The following SPTLC2 variants were observed in gnomAD, a reference collection of about 807,000 sequenced individuals.
SPTLC2 encodes serine palmitoyltransferase long chain base subunit 2, also known as serine palmitoyltransferase 2.
In SPTLC2, 21 loss-of-function variants were observed where a neutral mutation model predicts 62.0. The ratio of observed to expected loss-of-function variants is 0.34; its 90% CI spans 0.24 to 0.49. The LOEUF is 0.49. SPTLC2 is among the 20% of genes least tolerant of loss of function. The pLI is 0.99. For synonymous variants in SPTLC2, 261 were observed against 261.8 expected (o/e 1.00, Z 0.03); for missense variants, 511 against 713.0 (o/e 0.72, Z 3.23).
rs142601049 is a variant in SPTLC2 at position 77,590,035 on chromosome 14, G to A, written c.327+7151C>T. On this transcript the variant is annotated intron_variant, in intron 2 of 11. Coordinates refer to ENST00000216484, the MANE Select transcript of SPTLC2 (RefSeq NM_004863.4). ...CTGTCACCCAGGCTAGAGTGCAGTG[G>A]CTCAATCACAGCTCACAGCAGCCTT... is the stretch of plus-strand genomic sequence containing the variant. 5.1e-4 allele frequency among the ~76,000 whole-genome samples: 78 copies of A among 151,760 alleles called. No homozygotes were observed. The East Asian group carries it at 0.014, about 27-fold the overall frequency.
At chr14:77,583,762 T>C (rs143346782) in intron 2 of SPTLC2, among the ~76,000 whole-genome samples, 502 of 152,210 alleles carry the variant, frequency 3.3e-3, no homozygotes, top group Admixed American at 6.9e-3. Flanking sequence ...GAACTCTTAG[T>C]GTAGTGGAGA....
intron 9 of SPTLC2, among the ~76,000 whole-genome samples, chr14:77,534,778 T>C (rs980759469): frequency 3.3e-5 from 5 of 152,070 alleles, no homozygotes; most frequent in Non-Finnish European, 7.4e-5. Flanking sequence ...GCACCAGATA[T>C]TGCTCTAGAC....
At chr14:77,558,683 G>A (rs535454911) in intron 6 of SPTLC2, among the ~76,000 whole-genome samples, 136 of 150,470 alleles carry the variant, frequency 9.0e-4, no homozygotes, top group African/African-American at 1.5e-3. Flanking sequence ...GTGCAGTGGC[G>A]TGATCTCTGC....
At chr14:77,572,063 C>T (rs1030984929) in intron 4 of SPTLC2, among the ~76,000 whole-genome samples, 20 of 152,236 alleles carry the variant, frequency 1.3e-4, no homozygotes, top group Non-Finnish European at 2.8e-4. Context: ...GTTGGGATTA[C>T]AGGCGTGAGC....
chr14:77,590,550 T>C (rs1010402717), intron 2 of SPTLC2, among the ~76,000 whole-genome samples: 8 of 152,026 alleles, frequency 5.3e-5, no homozygotes, highest in African/African-American at 1.9e-4. Context: ...GCCCTGTCTC[T>C]ACTAAAAACA....
At chr14:77,554,991 T>C (rs1351951161) in intron 8 of SPTLC2, 2 of 393,520 alleles carry the variant, frequency 5.1e-6, no homozygotes, top group South Asian at 2.2e-5. Flanking sequence ...GTGAGCACAA[T>C]GCAAACCCAA....
chr14:77,556,540 TA>T, intron 7 of SPTLC2, among the ~76,000 whole-genome samples: 1 of 152,174 alleles, frequency 6.6e-6, no homozygotes, highest in Middle Eastern at 3.4e-3. Context: ...TTAACCAAAA[TA>T]AAATATTTCT....
intron 11 of SPTLC2, among the ~76,000 whole-genome samples, chr14:77,517,085 A>C (rs1419950857): frequency 6.6e-6 from 1 of 152,148 alleles, no homozygotes; most frequent in Non-Finnish European, 1.5e-5. Context: ...TGACTCTACT[A>C]AAAATACAAA....
intron 4 of SPTLC2, among the ~76,000 whole-genome samples, chr14:77,571,626 T>G (rs2079683681): frequency 6.6e-6 from 1 of 152,020 alleles, no homozygotes; most frequent in Non-Finnish European, 1.5e-5. Flanking sequence ...AGAGAAAAGA[T>G]GCGGGAAAGA....
chr14:77,574,250 C>T (rs1278374186), intron 4 of SPTLC2, among the ~76,000 whole-genome samples: 1 of 152,058 alleles, frequency 6.6e-6, no homozygotes, highest in African/African-American at 2.4e-5. Context: ...CTTTGAAAAC[C>T]AAGTAAATTC....
At chr14:77,527,795 T>C (rs1181071012) in intron 9 of SPTLC2, among the ~76,000 whole-genome samples, 1 of 152,148 alleles carries the variant, frequency 6.6e-6, no homozygotes, top group East Asian at 1.9e-4. Context: ...GTAAGGAATA[T>C]AAAGGCAGCA....
chr14:77,615,173 C>T (rs1247967878), intron 1 of SPTLC2, among the ~76,000 whole-genome samples: 1 of 152,196 alleles, frequency 6.6e-6, no homozygotes, highest in Middle Eastern at 3.2e-3. Flanking sequence ...CACTTCCTCC[C>T]TCACACAATT....
At chr14:77,568,165 T>C (rs1423211860) in intron 5 of SPTLC2, among the ~76,000 whole-genome samples, 1 of 152,234 alleles carries the variant, frequency 6.6e-6, no homozygotes, top group Non-Finnish European at 1.5e-5. Context: ...TACATTTCCA[T>C]TTAGTTCAAA....
chr14:77,557,320 T>C, intron 6 of SPTLC2, 174 bp from the exon 7 acceptor site: 1 of 617,652 alleles, frequency 1.6e-6, no homozygotes, highest in Non-Finnish European at 2.8e-6. Flanking sequence ...CACCTTGAAT[T>C]GAAATCCAAA....
At chr14:77,545,908 G>C (rs2079525882) in intron 9 of SPTLC2, among the ~76,000 whole-genome samples, 1 of 152,182 alleles carries the variant, frequency 6.6e-6, no homozygotes, top group Non-Finnish European at 1.5e-5. Flanking sequence ...ATAAAAAATA[G>C]ACACACCATG....
chr14:77,565,847 T>G (rs951031845), intron 5 of SPTLC2, among the ~76,000 whole-genome samples: 1 of 152,190 alleles, frequency 6.6e-6, no homozygotes, highest in African/African-American at 2.4e-5. Flanking sequence ...TTATGCAAGA[T>G]GTTAACATAA....
rs577765238 is a variant in SPTLC2, at chr14:77,552,614, T to C, written c.1177-392A>G. ...TGAGGTCAGGAGTTCAAGACTGGCCTGACCAACATGGTGAAACCCCATCTC... is the reference window on the plus strand; with the variant it reads ...TGAGGTCAGGAGTTCAAGACTGGCCCGACCAACATGGTGAAACCCCATCTC... On this transcript the variant is annotated intron_variant, in intron 8 of 11. Transcript: ENST00000216484. 2.6e-4 allele frequency among the ~76,000 whole-genome samples: 39 copies of C among 152,170 alleles called. No homozygotes were observed. In the South Asian group the frequency reaches 7.9e-3, roughly 31 times the overall value.
At chr14:77,552,307 A>T (rs1303734948) in intron 8 of SPTLC2, 85 bp from the exon 9 acceptor site, 1 of 1,514,520 alleles carries the variant, frequency 6.6e-7, no homozygotes, top group Non-Finnish European at 9.1e-7. Context: ...GTTCTAGAGG[A>T]CTCCTCACTT....
rs2079675267 is a variant in SPTLC2 at position 77,570,465 on chromosome 14, C to A, written c.675G>T (p.Arg225Ser). ...KHEELEELVA[R>S]FLGVEAAMAY... ...CCATAGCAGCTTCTACTCCTAAGAA[C>A]CTTGCTACAAGCTCCTCTAGTTCTT... is the stretch of plus-strand genomic sequence containing the variant. Residue 225 changes from arginine (R) to serine (S), a missense_variant, in exon 5 of 12, where the codon AGG becomes AGT. By Grantham distance (110) the Arg-to-Ser change is moderately radical. Transcript: ENST00000216484. 6.2e-7 allele frequency: 1 copy of A among 1,613,962 alleles called. No individual in the cohort carries two copies. The highest frequency in any genetic ancestry group is 8.5e-7 in the Non-Finnish European group (1 of 1,180,002).
Sources: gnomAD v4.1 joint callset for allele counts (sites outside exome capture counted in the v4.1 genomes callset) on GRCh38, gnomAD v4.1.1 for gene constraint, MANE v1.5 for transcripts, NCBI Gene and HGNC (gene_info 2026-07-23, HGNC 2026-07-21) for gene names.